The following GABRG3 variants were observed in gnomAD, a reference collection of about 807,000 sequenced individuals.
GABRG3 encodes the protein gamma-aminobutyric acid receptor subunit gamma-3.
A neutral mutation model predicts 48.8 loss-of-function variants in GABRG3; 25 were observed. The ratio of observed to expected loss-of-function variants is 0.51; its 90% CI spans 0.37 to 0.72. The LOEUF (loss-of-function observed/expected upper bound fraction) is 0.72. Ranked by LOEUF, GABRG3 falls within the 30% of genes least tolerant of loss-of-function variation. The pLI is 0.00. For synonymous variants in GABRG3, 227 were observed against 217.6 expected, an observed-to-expected ratio of 1.04 and a Z score of -0.38; for missense variants, 394 against 577.9, an observed-to-expected ratio of 0.68 and a Z score of 3.26.
At chr15:27,109,492 T>A (rs1164873222) in intron 3 of GABRG3, among the ~76,000 whole-genome samples, 3 of 152,236 alleles carry the variant, frequency 2.0e-5, no homozygotes, top group Admixed American at 6.5e-5. Context: ...AGGCATCCCT[T>A]CCTTCTGACA....
At chr15:27,167,651 G>A (rs2140408441) in intron 3 of GABRG3, among the ~76,000 whole-genome samples, 1 of 152,346 alleles carries the variant, frequency 6.6e-6, no homozygotes, top group East Asian at 1.9e-4. Flanking sequence ...AGGAAAGACA[G>A]CAGAGGAAAC....
chr15:27,361,761 T>C (rs1895031427), intron 5 of GABRG3, among the ~76,000 whole-genome samples: 1 of 152,236 alleles, frequency 6.6e-6, no homozygotes, highest in African/African-American at 2.4e-5. Context: ...TTCTGTTATG[T>C]TTCTGAATCT....
At chr15:27,292,669 A>G (rs1409815899) in intron 3 of GABRG3, among the ~76,000 whole-genome samples, 2 of 152,212 alleles carry the variant, frequency 1.3e-5, no homozygotes, top group Admixed American at 6.5e-5. Flanking sequence ...AAAACAAAAC[A>G]AAACAAAAAA....
chr15:27,360,767 C>G (rs748538011), intron 5 of GABRG3, among the ~76,000 whole-genome samples: 7 of 152,172 alleles, frequency 4.6e-5, no homozygotes, highest in Non-Finnish European at 1.0e-4. Flanking sequence ...CTGGGAAGCT[C>G]AAGGGTTCCC....
intron 6 of GABRG3, among the ~76,000 whole-genome samples, chr15:27,482,381 C>T (rs192390004): frequency 2.0e-4 from 30 of 152,252 alleles, no homozygotes; most frequent in African/African-American, 6.3e-4. Flanking sequence ...TGTGTTGTTG[C>T]GTGTGTGCTT....
intron 5 of GABRG3, among the ~76,000 whole-genome samples, chr15:27,370,515 G>A (rs1895374780): frequency 1.3e-5 from 2 of 152,138 alleles, no homozygotes; most frequent in Admixed American, 6.5e-5. Flanking sequence ...GCGGAGTCTG[G>A]GACCACCCTG....
intron 7 of GABRG3, among the ~76,000 whole-genome samples, chr15:27,522,025 G>T (rs1000033888): frequency 6.6e-6 from 1 of 151,906 alleles, no homozygotes; most frequent in Non-Finnish European, 1.5e-5. Context: ...AATTCAAATA[G>T]CTTAGTGAGA....
At chr15:27,312,187 G>A (rs1893019597) in intron 3 of GABRG3, among the ~76,000 whole-genome samples, 1 of 152,100 alleles carries the variant, frequency 6.6e-6, no homozygotes, top group African/African-American at 2.4e-5. Context: ...GGGTTTAACA[G>A]CAGAGTAGAT....
intron 5 of GABRG3, among the ~76,000 whole-genome samples, chr15:27,408,304 G>A (rs1368836436): frequency 6.6e-6 from 1 of 152,122 alleles, no homozygotes; most frequent in Non-Finnish European, 1.5e-5. Flanking sequence ...TTTTTAGTAA[G>A]AGCCCCCAGA....
intron 6 of GABRG3, among the ~76,000 whole-genome samples, chr15:27,504,485 C>G (rs1357437725): frequency 1.3e-5 from 2 of 152,138 alleles, no homozygotes; most frequent in Non-Finnish European, 2.9e-5. Flanking sequence ...AAGAATTTTA[C>G]AAGAGTACAC....
chr15:27,514,564 T>C (rs1321866816), intron 6 of GABRG3, among the ~76,000 whole-genome samples: 1 of 152,190 alleles, frequency 6.6e-6, no homozygotes, highest in Non-Finnish European at 1.5e-5. Context: ...TCAACAGATT[T>C]TGGGTCTTAA....
intron 2 of GABRG3, among the ~76,000 whole-genome samples, chr15:27,004,564 GC>G (rs1895545514): frequency 6.6e-6 from 1 of 152,186 alleles, no homozygotes; most frequent in Non-Finnish European, 1.5e-5. Flanking sequence ...GGCAGAGGCT[GC>G]AATCTTGGCA....
chr15:27,500,818 C>G (rs1890604870), intron 6 of GABRG3, among the ~76,000 whole-genome samples: 2 of 147,958 alleles, frequency 1.4e-5, no homozygotes, highest in South Asian at 4.3e-4. Context: ...TAGTGACCTG[C>G]AGGTGTAATT....
At position 27,340,400 on chromosome 15, in the gene GABRG3, T is replaced by C. The variant is rs1478969815; in HGVS notation, c.574+11512T>C. On this transcript the variant is annotated intron_variant, in intron 5 of 9. Transcript: ENST00000615808. ...AGCCTTTCATACTGGGTTTCTTACT[T>C]CTCAATTTTAAATAATCTACCCACC... The C allele has an allele frequency of 2.0e-5, 3 of 152,114 alleles. No homozygotes were observed. In the East Asian group the frequency reaches 5.8e-4, roughly 29 times the overall value. The allele number at this position is 152,114 out of a possible 1,614,324, so 9.4% of individuals were successfully genotyped here.
intron 3 of GABRG3, among the ~76,000 whole-genome samples, chr15:27,071,028 A>G (rs1242459250): frequency 6.6e-6 from 1 of 152,174 alleles, no homozygotes; most frequent in Non-Finnish European, 1.5e-5. Flanking sequence ...CATCTGAATA[A>G]CTAGGAGGAA....
chr15:27,225,071 C>T (rs1181668512), intron 3 of GABRG3, among the ~76,000 whole-genome samples: 1 of 152,112 alleles, frequency 6.6e-6, no homozygotes, highest in African/African-American at 2.4e-5. Context: ...CTTCTTCCTT[C>T]CTCCAGGGTG....
rs78136731 is a variant in GABRG3 at position 27,049,510 on chromosome 15, C to T, written c.270+22689C>T. On this transcript the variant is annotated intron_variant, in intron 3 of 9. Transcript: ENST00000615808. The stretch of plus-strand genomic sequence containing the variant: ...CCAATCACTCCCCTGAGCTGAGGAC[C>T]GACCATAGAAATGAAAGCCACACAC... 3.9e-4 allele frequency among the ~76,000 whole-genome samples: 60 copies of T among 152,176 alleles called. No homozygotes were observed. In the East Asian group the frequency reaches 8.9e-3, roughly 23 times the overall value.
rs989396707 is a variant in GABRG3, at chr15:26,974,323, A to G, written c.54-2679A>G. On this transcript the variant is annotated intron_variant, in intron 1 of 9. Transcript: ENST00000615808. This position sits in a 1 kb window ranked among gnomAD's most constrained non-coding sequence, Gnocchi z 4.3. The stretch of plus-strand genomic sequence containing the variant: ...AAACCCTCTCATCACCACTAGAGGG[A>G]GAATTAGGCTTATTACAATACCTGT... Among the ~76,000 whole-genome samples, 8 of 152,150 alleles carry G rather than the reference A, an allele frequency of 5.3e-5. No individual in the cohort carries two copies. The highest frequency in any genetic ancestry group is 1.9e-4 in the African/African-American group (8 of 41,412).
At chr15:27,043,353 C>T (rs1896309797) in intron 3 of GABRG3, among the ~76,000 whole-genome samples, 1 of 152,192 alleles carries the variant, frequency 6.6e-6, no homozygotes, top group Non-Finnish European at 1.5e-5. Flanking sequence ...TGAGCTCCTG[C>T]ACTAGGCATT....
Sources: allele counts gnomAD v4.1 joint callset (sites outside exome capture counted in the v4.1 genomes callset), GRCh38; gene constraint gnomAD v4.1.1; non-coding constraint Gnocchi (gnomAD v3.1); transcripts MANE v1.5; gene names NCBI Gene and HGNC (gene_info 2026-07-23, HGNC 2026-07-21).